RIMS2: variants seen among roughly 807,000 people sequenced by gnomAD.
RIMS2 encodes the protein regulating synaptic membrane exocytosis protein 2.
A neutral mutation model predicts 174.4 loss-of-function variants in RIMS2; 59 were observed. That is an observed-to-expected ratio of 0.34 (90% CI 0.27 to 0.42). RIMS2 has a LOEUF of 0.42. Ranked by LOEUF, RIMS2 falls within the 10% of genes least tolerant of loss-of-function variation. The pLI is 1.00. For missense variants in RIMS2, 1,620 were observed against 1,666.3 expected (o/e 0.97, Z 0.48); for synonymous variants, 606 against 572.5 (o/e 1.06, Z -0.84).
intron 3 of RIMS2, among the ~76,000 whole-genome samples, chr8:103,867,941 GTCTT>G (rs2099091469): frequency 6.6e-6 from 1 of 151,880 alleles, no homozygotes; most frequent in South Asian, 2.1e-4. Context: ...TTGGTATTAT[GTCTT>G]TCTAATAATT....
intron 19 of RIMS2, among the ~76,000 whole-genome samples, chr8:104,159,734 A>C (rs1274199809): frequency 6.6e-6 from 1 of 152,144 alleles, no homozygotes; most frequent in African/African-American, 2.4e-5. Flanking sequence ...TCTTTAGAAC[A>C]CTGTTTATTG....
At chr8:104,167,577 C>T (rs1378713787) in intron 19 of RIMS2, among the ~76,000 whole-genome samples, 1 of 151,904 alleles carries the variant, frequency 6.6e-6, no homozygotes, top group Admixed American at 6.6e-5. Context: ...GATATTAGTC[C>T]TTTGTCAGAT....
chr8:104,093,596 C>T (rs767137615), intron 19 of RIMS2: 2 of 1,597,498 alleles, frequency 1.3e-6, no homozygotes, highest in East Asian at 2.2e-5. Context: ...GCAGCACAAG[C>T]TACATGTCTG....
intron 1 of RIMS2, among the ~76,000 whole-genome samples, chr8:103,616,802 A>G (rs746271288): frequency 3.3e-5 from 5 of 152,224 alleles, no homozygotes; most frequent in Non-Finnish European, 7.3e-5. Context: ...ATACCTAGGA[A>G]TACAGATAAC....
At chr8:104,148,169 C>CTTT (rs60928884) in intron 19 of RIMS2, among the ~76,000 whole-genome samples, 126 of 116,334 alleles carry the variant, frequency 1.1e-3, no homozygotes, top group Non-Finnish European at 1.5e-3. Flanking sequence ...TATTATCAGC[C>CTTT]TTTTTTTTTT....
chr8:104,048,430 A>C (rs941532500), intron 19 of RIMS2, among the ~76,000 whole-genome samples: 1 of 152,184 alleles, frequency 6.6e-6, no homozygotes, highest in Non-Finnish European at 1.5e-5. Context: ...GAGAGAAAAA[A>C]TTATAAAAAA....
At chr8:103,601,320 A>G (rs1185892822) in intron 1 of RIMS2, among the ~76,000 whole-genome samples, 1 of 152,146 alleles carries the variant, frequency 6.6e-6, no homozygotes, top group Admixed American at 6.6e-5. Context: ...TTTAGCTCCA[A>G]TAATGTTACC....
chr8:103,677,186 G>A (rs1057097546), intron 1 of RIMS2, among the ~76,000 whole-genome samples: 2 of 151,950 alleles, frequency 1.3e-5, no homozygotes, highest in Admixed American at 6.6e-5. Context: ...TTTTCACATG[G>A]AATCTTGGCT....
intron 4 of RIMS2, among the ~76,000 whole-genome samples, chr8:103,900,910 A>G (rs751083067): frequency 6.6e-6 from 1 of 151,954 alleles, no homozygotes. Context: ...GATTATCCAT[A>G]ATTTTTGTTT....
chr8:103,713,617 G>T (rs2097334715), intron 2 of RIMS2, among the ~76,000 whole-genome samples: 1 of 152,028 alleles, frequency 6.6e-6, no homozygotes, highest in Admixed American at 6.6e-5. Context: ...CTGTCACCTA[G>T]ACTAAGGCCA....
chr8:103,791,898 C>G (rs1263866837), intron 3 of RIMS2, among the ~76,000 whole-genome samples: 1 of 152,130 alleles, frequency 6.6e-6, no homozygotes, highest in African/African-American at 2.4e-5. Flanking sequence ...ATACTCAATA[C>G]AGGATCGCCC....
chr8:103,515,235 AT>A (rs1274165401), intron 1 of RIMS2, among the ~76,000 whole-genome samples: 1 of 152,188 alleles, frequency 6.6e-6, no homozygotes, highest in Non-Finnish European at 1.5e-5. Flanking sequence ...TAGGACTCAT[AT>A]TGTAACATTT....
chr8:103,639,158 T>C (rs1308411892), intron 1 of RIMS2, among the ~76,000 whole-genome samples: 3 of 151,990 alleles, frequency 2.0e-5, no homozygotes, highest in Non-Finnish European at 2.9e-5. Flanking sequence ...TTTTTGTCTT[T>C]GGTATTACAG....
At chr8:103,708,906 C>T (rs898917643) in intron 2 of RIMS2, among the ~76,000 whole-genome samples, 1 of 152,090 alleles carries the variant, frequency 6.6e-6, no homozygotes, top group African/African-American at 2.4e-5. Flanking sequence ...AACTCCTGTT[C>T]CCAGTATATT....
chr8:103,870,663 A>T (rs1007691237), intron 3 of RIMS2, among the ~76,000 whole-genome samples: 9 of 152,172 alleles, frequency 5.9e-5, no homozygotes, highest in South Asian at 2.1e-4. Flanking sequence ...TCAAGAAAAA[A>T]AAAACATAGT....
chr8:103,654,127 T>C (rs1032353054), intron 1 of RIMS2, among the ~76,000 whole-genome samples: 1 of 152,014 alleles, frequency 6.6e-6, no homozygotes, highest in African/African-American at 2.4e-5. Flanking sequence ...TAACAAAATA[T>C]AATTAGATGT....
intron 19 of RIMS2, among the ~76,000 whole-genome samples, chr8:104,172,334 T>C (rs2098837193): frequency 6.6e-6 from 1 of 152,024 alleles, no homozygotes; most frequent in Admixed American, 6.6e-5. Context: ...AAAGAGGAAA[T>C]ACATGGTAGA....
intron 3 of RIMS2, among the ~76,000 whole-genome samples, chr8:103,835,057 C>A (rs1281543970): frequency 6.6e-6 from 1 of 151,804 alleles, no homozygotes; most frequent in Non-Finnish European, 1.5e-5. Flanking sequence ...AGGCATGAGC[C>A]CACTGCATCT....
At chr8:104,015,350 A>G in intron 19 of RIMS2, 1 of 632,884 alleles carries the variant, frequency 1.6e-6, no homozygotes, top group Non-Finnish European at 2.8e-6. Flanking sequence ...TGTTGTTTTT[A>G]ACCCCTGTGC....
Sources: allele counts gnomAD v4.1 joint callset (sites outside exome capture counted in the v4.1 genomes callset), GRCh38; gene constraint gnomAD v4.1.1; transcripts MANE v1.5; gene names NCBI Gene and HGNC (gene_info 2026-07-23, HGNC 2026-07-21).